SLC10A7: variants seen among roughly 807,000 people sequenced by gnomAD.
SLC10A7 encodes sodium/bile acid cotransporter 7.
In SLC10A7, 29 loss-of-function variants were observed where a neutral mutation model predicts 43.2. The observed-to-expected ratio is 0.67, with a 90% confidence interval of 0.50 to 0.92. The LOEUF is 0.92. Ranked by LOEUF, SLC10A7 falls within the 40% of genes least tolerant of loss-of-function variation. SLC10A7 has a pLI of 0.00. For missense variants in SLC10A7, 295 were observed against 403.2 expected (o/e 0.73, Z 2.30); for synonymous variants, 152 against 144.8 (o/e 1.05, Z -0.35).
At chr4:146,487,309 T>C (rs1184486838) in intron 4 of SLC10A7, among the ~76,000 whole-genome samples, 1 of 152,224 alleles carries the variant, frequency 6.6e-6, no homozygotes, top group Non-Finnish European at 1.5e-5. Flanking sequence ...CACTCACCTG[T>C]TGTTTATGTT....
At chr4:146,495,457 C>T (rs1447043652) in intron 4 of SLC10A7, among the ~76,000 whole-genome samples, 1 of 152,102 alleles carries the variant, frequency 6.6e-6, no homozygotes, top group South Asian at 2.1e-4. Context: ...AATGATAATG[C>T]AAAATAACCC....
intron 5 of SLC10A7, among the ~76,000 whole-genome samples, chr4:146,356,106 C>T (rs551446763): frequency 5.8e-4 from 87 of 148,736 alleles, no homozygotes; most frequent in Admixed American, 1.7e-3. Context: ...AGCTACAATT[C>T]GACAACTATT....
chr4:146,298,215 G>A (rs895298798), intron 7 of SLC10A7, among the ~76,000 whole-genome samples: 36 of 152,260 alleles, frequency 2.4e-4, no homozygotes, highest in African/African-American at 8.4e-4. Context: ...AATATAAAAT[G>A]CTTTAGAGAC....
chr4:146,350,382 C>T (rs1333618162), intron 5 of SLC10A7, among the ~76,000 whole-genome samples: 2 of 126,846 alleles, frequency 1.6e-5, no homozygotes, highest in African/African-American at 3.0e-5. Flanking sequence ...GAGGGTCCTA[C>T]GCCCACGGAA....
At chr4:146,361,525 G>A (rs1736047800) in intron 5 of SLC10A7, among the ~76,000 whole-genome samples, 1 of 152,006 alleles carries the variant, frequency 6.6e-6, no homozygotes, top group East Asian at 1.9e-4. Context: ...TGGGCTTATG[G>A]CACCCCCCTA....
intron 5 of SLC10A7, among the ~76,000 whole-genome samples, chr4:146,340,150 A>G (rs946282558): frequency 1.3e-5 from 2 of 151,862 alleles, no homozygotes; most frequent in Non-Finnish European, 2.9e-5. Context: ...AGAAAAACAT[A>G]TATGTGTGAT....
intron 4 of SLC10A7, among the ~76,000 whole-genome samples, chr4:146,448,215 A>G (rs1202828025): frequency 1.3e-5 from 2 of 151,934 alleles, no homozygotes; most frequent in African/African-American, 4.8e-5. Context: ...CTTAAAGTAT[A>G]ATAATAATAA....
chr4:146,329,149 T>C (rs1330466582), intron 5 of SLC10A7, among the ~76,000 whole-genome samples: 1 of 152,220 alleles, frequency 6.6e-6, no homozygotes, highest in Admixed American at 6.5e-5. Context: ...CCCAAAATAG[T>C]AAAAGTTTCC....
At chr4:146,391,336 G>A (rs1448937338) in intron 5 of SLC10A7, among the ~76,000 whole-genome samples, 1 of 152,166 alleles carries the variant, frequency 6.6e-6, no homozygotes, top group Non-Finnish European at 1.5e-5. Context: ...TTGTGATGGT[G>A]CAAATCAATG....
intron 11 of SLC10A7, chr4:146,256,968 A>C (rs1237521409): frequency 7.1e-7 from 1 of 1,405,394 alleles, no homozygotes; most frequent in East Asian, 2.5e-5. Context: ...AACAGTGTAC[A>C]ATTTAGTCTC....
At chr4:146,393,409 G>A (rs1177985179) in intron 5 of SLC10A7, among the ~76,000 whole-genome samples, 5 of 152,012 alleles carry the variant, frequency 3.3e-5, no homozygotes, top group African/African-American at 1.2e-4. Flanking sequence ...TGGTGGAGGT[G>A]GAATTCACTG....
chr4:146,333,979 G>T (rs748209139), intron 5 of SLC10A7, among the ~76,000 whole-genome samples: 5 of 152,140 alleles, frequency 3.3e-5, no homozygotes, highest in Non-Finnish European at 7.4e-5. Context: ...GATTCAAAAC[G>T]TATTTGAAAA....
rs1191473337 is a variant in SLC10A7 at position 146,255,615 on chromosome 4, T to A, written c.*876A>T. On this transcript the variant is annotated 3_prime_UTR_variant, in exon 12 of 12. Transcript: ENST00000335472. ...GCACATCTGCGTAATAGGAAAAAAA[T>A]TTGGTCTGGGTTGTGGAATGTGAAT... is the stretch of plus-strand genomic sequence containing the variant. The A allele has an allele frequency of 2.6e-5, 4 of 152,142 alleles. No homozygotes were observed. The highest frequency in any genetic ancestry group is 2.9e-5 in the Non-Finnish European group (2 of 68,014). 9.4% of individuals were successfully genotyped at this position (152,142 alleles called of 1,614,324 possible).
At chr4:146,466,313 T>C (rs1468485303) in intron 4 of SLC10A7, among the ~76,000 whole-genome samples, 1 of 152,184 alleles carries the variant, frequency 6.6e-6, no homozygotes, top group African/African-American at 2.4e-5. Context: ...CCGAAGGGAC[T>C]AGAAATGAGA....
At chr4:146,301,741 A>T (rs1451926493) in intron 7 of SLC10A7, among the ~76,000 whole-genome samples, 2 of 152,072 alleles carry the variant, frequency 1.3e-5, no homozygotes, top group Non-Finnish European at 2.9e-5. Context: ...AAGGAGAGGG[A>T]GGAGGTAAGG....
intron 5 of SLC10A7, among the ~76,000 whole-genome samples, chr4:146,439,317 T>A (rs1730433418): frequency 6.6e-6 from 1 of 152,096 alleles, no homozygotes; most frequent in African/African-American, 2.4e-5. Flanking sequence ...ATATGTACAG[T>A]ATTTTATTTA....
chr4:146,344,017 C>T (rs938014396), intron 5 of SLC10A7, among the ~76,000 whole-genome samples: 2 of 151,918 alleles, frequency 1.3e-5, no homozygotes, highest in African/African-American at 4.8e-5. Context: ...CGTTTGTGTG[C>T]TACATAAGAA....
intron 5 of SLC10A7, among the ~76,000 whole-genome samples, chr4:146,387,701 C>T (rs1164770723): frequency 6.6e-6 from 1 of 152,172 alleles, no homozygotes; most frequent in African/African-American, 2.4e-5. Context: ...CTACAAAGGA[C>T]CCCTAGCTTT....
chr4:146,334,129 G>A (rs1733722274), intron 5 of SLC10A7, among the ~76,000 whole-genome samples: 2 of 152,018 alleles, frequency 1.3e-5, no homozygotes, highest in Admixed American at 1.3e-4. Context: ...GAGTGGAACT[G>A]GGGATGCACA....
Sources: allele counts gnomAD v4.1 joint callset (sites outside exome capture counted in the v4.1 genomes callset), GRCh38; gene constraint gnomAD v4.1.1; transcripts MANE v1.5; gene names NCBI Gene and HGNC (gene_info 2026-07-23, HGNC 2026-07-21).